Variants in PAK2 observed in about 807,000 individuals in gnomAD.
PAK2 encodes serine/threonine-protein kinase PAK 2.
In PAK2, 21 loss-of-function variants were observed where a neutral mutation model predicts 65.9. The observed-to-expected ratio is 0.32, with a 90% CI of 0.23 to 0.46. The LOEUF is 0.46. Ranked by LOEUF, PAK2 falls within the 20% of genes least tolerant of loss-of-function variation. The probability of loss-of-function intolerance (pLI) is 1.00; values close to 1 mark genes in which losing one functional copy is unlikely to be tolerated. For missense variants in PAK2, 324 were observed against 642.6 expected (o/e 0.50, Z 5.36); for synonymous variants, 204 against 219.7 (o/e 0.93, Z 0.63).
At chr3:196,741,394 C>A (rs997102852) in intron 1 of PAK2, among the ~76,000 whole-genome samples, 4 of 152,194 alleles carry the variant, frequency 2.6e-5, no homozygotes, top group African/African-American at 9.7e-5. Context: ...AGGTCTGTGG[C>A]TTCTGTAAAG....
At chr3:196,800,717 G>C (rs1715400089) in intron 2 of PAK2, among the ~76,000 whole-genome samples, 1 of 152,178 alleles carries the variant, frequency 6.6e-6, no homozygotes, top group African/African-American at 2.4e-5. Flanking sequence ...ACTTTCAACA[G>C]TGGCTCCAAA....
intron 1 of PAK2, among the ~76,000 whole-genome samples, chr3:196,748,577 TA>T (rs1343335712): frequency 1.3e-5 from 2 of 152,208 alleles, no homozygotes; most frequent in African/African-American, 4.8e-5. Context: ...TGGAATTATA[TA>T]GCGTGTAGCC....
At chr3:196,766,301 A>G (rs1714166529) in intron 1 of PAK2, among the ~76,000 whole-genome samples, 1 of 152,214 alleles carries the variant, frequency 6.6e-6, no homozygotes, top group African/African-American at 2.4e-5. Context: ...AGCTGACAAT[A>G]GAGGCATAAC....
intron 7 of PAK2, among the ~76,000 whole-genome samples, chr3:196,809,830 C>G (rs1199337782): frequency 6.6e-6 from 1 of 151,920 alleles, no homozygotes; most frequent in East Asian, 1.9e-4. Flanking sequence ...ATGTCAGTTT[C>G]CTTGATATGG....
At position 196,814,433 on chromosome 3, in the gene PAK2, G is replaced by A; in HGVS notation, c.936-18G>A. The stretch of plus-strand genomic sequence containing the variant: ...GAAAAATAAAAGTGTGACTGTATTT[G>A]GTATGTTGTATTTTTAGTTACCTGG... On this transcript the variant is annotated intron_variant, in intron 10 of 14. Transcript: ENST00000327134. 1 of 867,196 alleles carries A rather than the reference G, an allele frequency of 1.2e-6. No individual in the cohort carries two copies. Among genetic ancestry groups the A allele is most frequent in the Non-Finnish European group, 1.9e-6 (1 of 523,958 alleles). 53.7% of individuals were successfully genotyped at this position (867,196 alleles called of 1,614,324 possible).
At chr3:196,753,423 A>G (rs1254489364) in intron 1 of PAK2, among the ~76,000 whole-genome samples, 1 of 149,564 alleles carries the variant, frequency 6.7e-6, no homozygotes, top group Admixed American at 6.7e-5. Context: ...TTCTGGGCTC[A>G]CGTGATCCTA....
At chr3:196,754,644 A>C (rs558122174) in intron 1 of PAK2, among the ~76,000 whole-genome samples, 45 of 152,202 alleles carry the variant, frequency 3.0e-4, no homozygotes, top group Non-Finnish European at 1.3e-4. Context: ...CACCCACAAC[A>C]TAACACTCTC....
At chr3:196,765,778 G>A (rs990207299) in intron 1 of PAK2, among the ~76,000 whole-genome samples, 3 of 152,196 alleles carry the variant, frequency 2.0e-5, no homozygotes, top group African/African-American at 7.2e-5. Flanking sequence ...ATAAGTGGCA[G>A]TAGTTTATTT....
intron 2 of PAK2, among the ~76,000 whole-genome samples, chr3:196,783,639 C>T (rs968793379): frequency 6.6e-6 from 1 of 151,744 alleles, no homozygotes; most frequent in Non-Finnish European, 1.5e-5. Context: ...CTTGTACCTA[C>T]CACCCAGCCT....
At chr3:196,769,578 A>C (rs899276161) in intron 1 of PAK2, among the ~76,000 whole-genome samples, 2 of 151,566 alleles carry the variant, frequency 1.3e-5, no homozygotes, top group African/African-American at 2.4e-5. Flanking sequence ...TTGGGAGGCC[A>C]AGGCGGGCGG....
Position 196,796,139 on chromosome 3 carries a change from G to T in PAK2, c.188-5788G>T, listed in dbSNP as rs76005116. ...GCCACTCAGTTCCTGCCGTGCAGCCGGTTCCTAACAAGCCTCGGACTCTGG... is the reference window on the plus strand; with the variant it reads ...GCCACTCAGTTCCTGCCGTGCAGCCTGTTCCTAACAAGCCTCGGACTCTGG... On this transcript the variant is annotated intron_variant, in intron 2 of 14. Coordinates refer to ENST00000327134, the MANE Select transcript of PAK2 (RefSeq NM_002577.4). Among the ~76,000 whole-genome samples the T allele has an allele frequency of 5.2e-3, 794 of 152,278 alleles. 7 individuals are homozygous for T. Among genetic ancestry groups the T allele is most frequent in the African/African-American group, 0.017 (708 of 41,534 alleles).
chr3:196,811,217 C>CTCCCT (rs1715782810), intron 8 of PAK2, among the ~76,000 whole-genome samples: 1 of 5,396 alleles, frequency 1.9e-4, no homozygotes, highest in South Asian at 4.9e-3. Flanking sequence ...CTTCCCTTCC[C>CTCCCT]TCCCTCCCTT....
At chr3:196,749,968 C>T (rs923770948) in intron 1 of PAK2, among the ~76,000 whole-genome samples, 6 of 151,188 alleles carry the variant, frequency 4.0e-5, no homozygotes, top group Admixed American at 6.6e-5. Context: ...ACTACAGATA[C>T]GCTACCTTAC....
intron 11 of PAK2, 86 bp downstream of exon 11, chr3:196,814,654 G>C (rs1715934814): frequency 1.4e-6 from 1 of 714,052 alleles, no homozygotes; most frequent in Admixed American, 2.3e-5. Flanking sequence ...ACAGGTAATT[G>C]TTATTGTGGG....
chr3:196,778,364 T>C (rs1714602399), intron 1 of PAK2, among the ~76,000 whole-genome samples: 1 of 152,204 alleles, frequency 6.6e-6, no homozygotes, highest in Admixed American at 6.5e-5. Flanking sequence ...ATACAAAGTT[T>C]TTGCGTGAAC....
Position 196,827,214 on chromosome 3 carries a change from A to G in PAK2, c.1369A>G (p.Thr457Ala). 1 of 1,607,774 alleles carries G rather than the reference A, an allele frequency of 6.2e-7. No individual in the cohort carries two copies. Among genetic ancestry groups the G allele is most frequent in the Non-Finnish European group, 8.5e-7 (1 of 1,175,514 alleles). The change falls in exon 14 of 15, where the codon ACT (threonine) becomes GCT (alanine). Residue 457 changes from threonine to alanine, a missense_variant. Transcript: ENST00000327134. ...NPLRALYLIA[T>A]NGTPELQNPE... The stretch of plus-strand genomic sequence containing the variant: ...TTTTTAGGCCTTGTACCTAATAGCA[A>G]CTAATGGAACCCCAGAACTTCAGAA...
At chr3:196,813,320 C>T (rs1385613401) in intron 10 of PAK2, among the ~76,000 whole-genome samples, 1 of 151,850 alleles carries the variant, frequency 6.6e-6, no homozygotes, top group East Asian at 1.9e-4. Context: ...TGGCTGGGTG[C>T]AGTGGCTCAC....
chr3:196,781,521 C>T (rs1714713231), intron 1 of PAK2, among the ~76,000 whole-genome samples: 2 of 152,236 alleles, frequency 1.3e-5, no homozygotes, highest in South Asian at 4.1e-4. Context: ...TGGCCACACT[C>T]AGCCTTTCAG....
intron 2 of PAK2, among the ~76,000 whole-genome samples, chr3:196,795,892 T>C (rs551676799): frequency 6.6e-6 from 1 of 152,148 alleles, no homozygotes; most frequent in East Asian, 1.9e-4. Flanking sequence ...GCACCCGGGA[T>C]TGGTTTCGCG....
Sources: allele counts gnomAD v4.1 joint callset (sites outside exome capture counted in the v4.1 genomes callset), GRCh38; gene constraint gnomAD v4.1.1; transcripts MANE v1.5; gene names NCBI Gene and HGNC (gene_info 2026-07-23, HGNC 2026-07-21).